CLPX: variants seen among roughly 807,000 people sequenced by gnomAD.
CLPX encodes the protein ATP-dependent clpX-like chaperone, mitochondrial.
CLPX carries 34 observed loss-of-function variants against 76.4 expected under a neutral mutation model. The ratio of observed to expected loss-of-function variants is 0.45; its 90% CI spans 0.34 to 0.59. The LOEUF (loss-of-function observed/expected upper bound fraction) is 0.59, where lower values mean the gene tolerates loss of function less well. Ranked by LOEUF, CLPX falls within the 20% of genes least tolerant of loss-of-function variation. The pLI is 0.01. For synonymous variants in CLPX, 248 were observed against 270.9 expected, an observed-to-expected ratio of 0.92 and a Z score of 0.83; for missense variants, 613 against 757.0, an observed-to-expected ratio of 0.81 and a Z score of 2.23.
chr15:65,155,141 C>T (rs1020681618), intron 10 of CLPX, 60 bp from the exon 11 acceptor site: 7 of 1,359,118 alleles, frequency 5.2e-6, no homozygotes, highest in African/African-American at 1.5e-5. Flanking sequence ...GTATTAAGTA[C>T]TTTTCCTACA....
Position 65,185,149 on chromosome 15 carries a change from G to A in CLPX, c.5C>T (p.Pro2Leu). The A allele has an allele frequency of 1.9e-6, 3 of 1,566,880 alleles. No individual in the cohort carries two copies. Among genetic ancestry groups the A allele is most frequent in the Non-Finnish European group, 2.6e-6 (3 of 1,155,672 alleles). ...GCCGCAAGTACAAGCACCGCAGCTG[G>A]GCATCTCCGCGAGGCCTAGGCCGGG... is the stretch of plus-strand genomic sequence containing the variant. M[P>L]SCGACTCGAA... The change falls in exon 1 of 14, where the codon CCC (proline) becomes CTC (leucine). Residue 2 changes from proline (P) to leucine (L), a missense_variant. Pro to Leu is a moderately conservative substitution (Grantham distance 98). Around this residue, in one of 2 missense-constraint regions of CLPX, gnomAD observed 163 missense variants for 118.4 expected, o/e 1.38. Transcript: ENST00000300107.
At chr15:65,175,871 G>A (rs1011656561) in intron 3 of CLPX, among the ~76,000 whole-genome samples, 1 of 152,214 alleles carries the variant, frequency 6.6e-6, no homozygotes, top group Non-Finnish European at 1.5e-5. Flanking sequence ...TTTTATTATG[G>A]GTACACAAAA....
intron 13 of CLPX, among the ~76,000 whole-genome samples, chr15:65,151,568 T>C (rs2087721771): frequency 6.6e-6 from 1 of 151,958 alleles, no homozygotes; most frequent in Non-Finnish European, 1.5e-5. Context: ...TGCTGGAACT[T>C]AGCATATGTA....
intron 13 of CLPX, among the ~76,000 whole-genome samples, chr15:65,151,456 G>GAAAA (rs529752332): frequency 9.7e-4 from 72 of 74,384 alleles, no homozygotes; most frequent in East Asian, 2.4e-3. Flanking sequence ...ATTACTGGGA[G>GAAAA]AAAAAAAAAA....
intron 1 of CLPX, among the ~76,000 whole-genome samples, chr15:65,181,893 G>T (rs569204558): frequency 2.0e-4 from 31 of 151,934 alleles, no homozygotes; most frequent in African/African-American, 7.2e-4. Context: ...GGAGGCCCAG[G>T]GGGGCAGATC....
chr15:65,182,217 TC>T (rs2088185212), intron 1 of CLPX, among the ~76,000 whole-genome samples: 1 of 151,716 alleles, frequency 6.6e-6, no homozygotes. Flanking sequence ...AATCATAAAA[TC>T]CTCATAAAAA....
chr15:65,162,322 C>A (rs1293110120), intron 6 of CLPX, among the ~76,000 whole-genome samples: 1 of 152,120 alleles, frequency 6.6e-6, no homozygotes, highest in East Asian at 1.9e-4. Context: ...AATCTGCCTC[C>A]CCCAAATTCC....
intron 3 of CLPX, among the ~76,000 whole-genome samples, chr15:65,176,310 A>C (rs1363006959): frequency 1.3e-5 from 2 of 152,222 alleles, no homozygotes; most frequent in African/African-American, 4.8e-5. Flanking sequence ...GAATGCATAG[A>C]AGGAAAATAA....
intron 6 of CLPX, among the ~76,000 whole-genome samples, chr15:65,159,507 G>A (rs1050553833): frequency 2.6e-5 from 4 of 152,158 alleles, no homozygotes; most frequent in African/African-American, 9.7e-5. Context: ...CTACTTGGGA[G>A]GCCGAGGCAG....
At chr15:65,157,696 C>A in intron 8 of CLPX, 50 bp downstream of exon 8, 1 of 1,502,610 alleles carries the variant, frequency 6.7e-7, no homozygotes, top group Non-Finnish European at 9.0e-7. Flanking sequence ...TAATATTAGA[C>A]TGATTCCCCA....
At chr15:65,150,958 G>C in intron 13 of CLPX, 45 bp from the exon 14 acceptor site, 1 of 1,349,734 alleles carries the variant, frequency 7.4e-7, no homozygotes, top group Non-Finnish European at 1.0e-6. Flanking sequence ...AAAAAATGGA[G>C]GTAAACATGA....
intron 3 of CLPX, among the ~76,000 whole-genome samples, chr15:65,178,421 C>G (rs2088117510): frequency 1.3e-5 from 2 of 152,070 alleles, no homozygotes; most frequent in African/African-American, 2.4e-5. Context: ...ATTACCAGTC[C>G]TGAAGATTTT....
At chr15:65,164,471 T>C (rs1172938395) in intron 4 of CLPX, among the ~76,000 whole-genome samples, 2 of 152,184 alleles carry the variant, frequency 1.3e-5, no homozygotes, top group Non-Finnish European at 2.9e-5. Context: ...TCTTTATTTT[T>C]TGATAACAAA....
At position 65,150,852 on chromosome 15, in the gene CLPX, G is replaced by C; in HGVS notation, c.1873C>G (p.Pro625Ala). 1 of 1,612,914 alleles carries C rather than the reference G, an allele frequency of 6.2e-7. No individual in the cohort carries two copies. Among genetic ancestry groups the C allele is most frequent in the Non-Finnish European group, 8.5e-7 (1 of 1,179,284 alleles). ...YDSGVEEEGW[P>A]RQADAANS ...CTGTTTGCAGCATCTGCTTGGCGGG[G>C]CCATCCTTCTTCTTCAACTCCAGAG... Residue 625 changes from proline to alanine, a missense_variant, in exon 14 of 14, where the codon CCC (proline) becomes GCC (alanine). Coordinates refer to ENST00000300107, the MANE Select transcript of CLPX (RefSeq NM_006660.5).
rs574152760 is a variant in CLPX at position 65,185,230 on chromosome 15, G to A, written c.-77C>T. 7.9e-6 allele frequency: 10 copies of A among 1,265,826 alleles called. No homozygotes were observed. The East Asian group carries it at 2.5e-4, about 32-fold the overall frequency. 78.4% of individuals were successfully genotyped at this position (1,265,826 alleles called of 1,614,324 possible). On this transcript the variant is annotated 5_prime_UTR_variant, in exon 1 of 14. Transcript: ENST00000300107. ...GCGGCGTGAATCCTGCCCGCAAGGC[G>A]CGCTGACTCGGTTCCGAACCCTTTC...
intron 10 of CLPX, 40 bp downstream of exon 10, chr15:65,155,652 A>C: frequency 6.5e-7 from 1 of 1,527,916 alleles, no homozygotes; most frequent in Non-Finnish European, 9.0e-7. Flanking sequence ...CATCCTTTAA[A>C]TGCTCTCTAT....
rs569760220 is a variant in CLPX, at chr15:65,177,481, T to C, written c.358+1453A>G. ...CCAGTACATAAAAACACACTACATC[T>C]AGTACCTTTTCATATGGTGGCCAAT... On this transcript the variant is annotated intron_variant, in intron 3 of 13. Coordinates refer to ENST00000300107, the MANE Select transcript of CLPX (RefSeq NM_006660.5). Among the ~76,000 whole-genome samples the C allele has an allele frequency of 4.5e-4, 69 of 152,328 alleles. 1 individual carries two copies. The South Asian group carries it at 0.014, about 31-fold the overall frequency.
intron 3 of CLPX, among the ~76,000 whole-genome samples, chr15:65,173,869 G>C (rs1026498413): frequency 2.7e-4 from 41 of 152,220 alleles, no homozygotes; most frequent in Non-Finnish European, 5.9e-5. Context: ...AGGGCTAGGA[G>C]GGGAGGAGGG....
chr15:65,183,479 A>G lies in CLPX; in HGVS notation c.79+1596T>C, dbSNP rs959183464. Among the ~76,000 whole-genome samples the G allele has an allele frequency of 1.6e-3, 242 of 150,324 alleles. 1 individual carries two copies. The East Asian group carries it at 0.016, about 10-fold the overall frequency. On this transcript the variant is annotated intron_variant, in intron 1 of 13. Transcript: ENST00000300107. ...CTGTCTCAAAAAAAAAAAAAAAAAA[A>G]AAAGAAAGAAAATAAGACAGACAGA...
Sources: gnomAD v4.1 joint callset for allele counts (sites outside exome capture counted in the v4.1 genomes callset) on GRCh38, gnomAD v4.1.1 for gene constraint, gnomAD v4.1.1 regional missense constraint, MANE v1.5 for transcripts, NCBI Gene and HGNC (gene_info 2026-07-23, HGNC 2026-07-21) for gene names.